CCDC102B: variants seen among roughly 807,000 people sequenced by gnomAD.
CCDC102B encodes the protein coiled-coil domain-containing protein 102B.
In CCDC102B, 75 loss-of-function variants were observed where a neutral mutation model predicts 57.4. The ratio of observed to expected loss-of-function variants is 1.31; its 90% CI spans 1.08 to 1.58. The LOEUF (loss-of-function observed/expected upper bound fraction) is 1.58, where lower values mean the gene tolerates loss of function less well. CCDC102B is among the 40% of genes most tolerant of loss of function. CCDC102B has a pLI of 0.00. For missense variants in CCDC102B, 636 were observed against 582.6 expected (o/e 1.09, Z -0.94); for synonymous variants, 206 against 201.9 (o/e 1.02, Z -0.17).
chr18:68,806,698 A>C (rs1459454855), intron 1 of CCDC102B, among the ~76,000 whole-genome samples: 2 of 152,166 alleles, frequency 1.3e-5, no homozygotes, highest in African/African-American at 4.8e-5. Flanking sequence ...AACATTTGCA[A>C]TTTAAAGTAG....
At chr18:68,811,851 T>G (rs1174663320) in intron 1 of CCDC102B, among the ~76,000 whole-genome samples, 1 of 152,116 alleles carries the variant, frequency 6.6e-6, no homozygotes, top group Non-Finnish European at 1.5e-5. Context: ...AAACTGGACC[T>G]GGAAGGTAAT....
chr18:68,886,265 C>T (rs1303169239), intron 5 of CCDC102B, among the ~76,000 whole-genome samples: 1 of 151,698 alleles, frequency 6.6e-6, no homozygotes, highest in Non-Finnish European at 1.5e-5. Flanking sequence ...TGTAATAGGA[C>T]AAATAATACC....
intron 1 of CCDC102B, among the ~76,000 whole-genome samples, chr18:68,715,942 C>G (rs1231563528): frequency 2.0e-5 from 3 of 152,114 alleles, no homozygotes; most frequent in Non-Finnish European, 4.4e-5. Flanking sequence ...ACCTTAGGTT[C>G]AAAATTCCAA....
rs2052790359 is a variant in CCDC102B, at chr18:69,054,911, A to G, written c.*774A>G. The G allele has an allele frequency of 1.0e-6, 1 of 985,372 alleles. No homozygotes were observed. The highest frequency in any genetic ancestry group is 1.2e-6 in the Non-Finnish European group (1 of 829,914). 61.0% of individuals were successfully genotyped at this position (985,372 alleles called of 1,614,324 possible). On this transcript the variant is annotated 3_prime_UTR_variant, in exon 8 of 8. Coordinates refer to ENST00000360242, the MANE Select transcript of CCDC102B (RefSeq NM_024781.3). ...TTCCCTCTGAGTAGTGGGAATAGAG[A>G]AAATTAGGAAATTGTGGTTATGTGA... is the stretch of plus-strand genomic sequence containing the variant.
chr18:68,801,525 G>A (rs892751893), intron 1 of CCDC102B, among the ~76,000 whole-genome samples: 2 of 151,720 alleles, frequency 1.3e-5, no homozygotes, highest in Non-Finnish European at 2.9e-5. Flanking sequence ...TTTGATAGAA[G>A]GATTTTTTTA....
Position 68,836,971 on chromosome 18 carries a change from T to C in CCDC102B, c.208T>C (p.Cys70Arg). The C allele has an allele frequency of 6.2e-7, 1 of 1,614,154 alleles. No homozygotes were observed. Among genetic ancestry groups the C allele is most frequent in the South Asian group, 1.1e-5 (1 of 91,084 alleles). The part of the protein sequence containing the change: ...HSYNTNKWDI[C>R]EELRLRELEE... ...ATATAACACCAACAAATGGGATATT[T>C]GTGAAGAACTTCGCCTGCGGGAGCT... The change falls in exon 2 of 8, where the codon TGT becomes CGT. Residue 70 changes from cysteine to arginine, a missense_variant. Physicochemically the swap from Cys to Arg is radical, Grantham distance 180 (BLOSUM62 -3). Transcript: ENST00000360242.
At chr18:68,980,371 C>G (rs1296067583) in intron 6 of CCDC102B, among the ~76,000 whole-genome samples, 2 of 148,030 alleles carry the variant, frequency 1.4e-5, no homozygotes, top group African/African-American at 5.0e-5. Context: ...CCTGATATGT[C>G]CTGTCACTAT....
intron 7 of CCDC102B, among the ~76,000 whole-genome samples, chr18:69,037,839 C>A (rs1409229434): frequency 6.6e-6 from 1 of 151,964 alleles, no homozygotes; most frequent in African/African-American, 2.4e-5. Context: ...GCACTGGGGG[C>A]TATTGCGGGA....
At chr18:68,719,575 C>T (rs879275258) in intron 2 of CCDC102B, among the ~76,000 whole-genome samples, 3 of 152,170 alleles carry the variant, frequency 2.0e-5, no homozygotes, top group Non-Finnish European at 4.4e-5. Flanking sequence ...TTCAGGCTTT[C>T]AATGAATTGG....
At chr18:68,884,501 T>C (rs2039806431) in intron 5 of CCDC102B, among the ~76,000 whole-genome samples, 1 of 151,258 alleles carries the variant, frequency 6.6e-6, no homozygotes, top group Admixed American at 6.6e-5. Context: ...AAAAAGTGGG[T>C]CCCAGGGACA....
chr18:68,756,081 AT>A (rs2034038524), intron 2 of CCDC102B, among the ~76,000 whole-genome samples: 1 of 151,640 alleles, frequency 6.6e-6, no homozygotes, highest in African/African-American at 2.4e-5. Flanking sequence ...ATTATTAAAC[AT>A]TTTTTTAAAT....
intron 2 of CCDC102B, among the ~76,000 whole-genome samples, chr18:68,784,917 G>A (rs111495762): frequency 6.6e-6 from 1 of 151,506 alleles, no homozygotes; most frequent in Non-Finnish European, 1.5e-5. Context: ...ATGCTGGTGC[G>A]CTGCACCCAC....
chr18:68,762,883 C>T (rs2034300057), intron 2 of CCDC102B, among the ~76,000 whole-genome samples: 2 of 152,042 alleles, frequency 1.3e-5, no homozygotes, highest in Admixed American at 1.3e-4. Flanking sequence ...TTGGTACTAC[C>T]TGTGGTTTTA....
At chr18:68,832,653 C>G (rs12327073) in intron 1 of CCDC102B, among the ~76,000 whole-genome samples, 1,853 of 141,666 alleles carry the variant, frequency 0.013, 39 homozygotes, top group African/African-American at 0.046. Context: ...ACTGTGTCCT[C>G]TCCCTTGGAT....
upstream of CCDC102B, among the ~76,000 whole-genome samples, chr18:68,793,578 A>G (rs1370904596): frequency 6.7e-6 from 1 of 149,416 alleles, no homozygotes; most frequent in East Asian, 1.9e-4. Flanking sequence ...TTTCTTCAGT[A>G]TGTTCATAGA....
chr18:68,991,123 CTTTT>C (rs11368924), intron 6 of CCDC102B, among the ~76,000 whole-genome samples: 20 of 136,262 alleles, frequency 1.5e-4, no homozygotes, highest in Admixed American at 1.4e-3. Context: ...GGCCCTTCTG[CTTTT>C]TTTTTTTTTT....
At chr18:68,824,865 C>T (rs558017326) in intron 1 of CCDC102B, among the ~76,000 whole-genome samples, 44 of 152,154 alleles carry the variant, frequency 2.9e-4, no homozygotes, top group Non-Finnish European at 5.4e-4. Context: ...CTTTGTCTAT[C>T]TTTCATATAC....
rs2050098588 is a variant in CCDC102B at position 68,963,614 on chromosome 18, G to A, written c.1264-47320G>A. Reference sequence around the variant, plus strand: ...CTGTTCTTCACTGTTTTCTATATTGGGATAATCTGGCCTCCTACTTAGAGA... The same window carrying A: ...CTGTTCTTCACTGTTTTCTATATTGAGATAATCTGGCCTCCTACTTAGAGA... On this transcript the variant is annotated intron_variant, in intron 6 of 7. Coordinates refer to ENST00000360242, the MANE Select transcript of CCDC102B (RefSeq NM_024781.3). 1.3e-5 allele frequency among the ~76,000 whole-genome samples: 2 copies of A among 151,584 alleles called. 1 individual carries two copies. The highest frequency in any genetic ancestry group is 4.2e-4 in the South Asian group (2 of 4,804).
At chr18:68,991,928 C>G (rs2050878234) in intron 6 of CCDC102B, among the ~76,000 whole-genome samples, 1 of 152,100 alleles carries the variant, frequency 6.6e-6, no homozygotes, top group Non-Finnish European at 1.5e-5. Flanking sequence ...ATGTGAGATA[C>G]CCTCAGGATA....
Sources: gnomAD v4.1 joint callset for allele counts (sites outside exome capture counted in the v4.1 genomes callset) on GRCh38, gnomAD v4.1.1 for gene constraint, MANE v1.5 for transcripts, NCBI Gene and HGNC (gene_info 2026-07-23, HGNC 2026-07-21) for gene names.